SYT16: variants seen among roughly 807,000 people sequenced by gnomAD.
The protein encoded by SYT16 is synaptotagmin 16, also known as synaptotagmin-16.
In SYT16, 42 loss-of-function variants were observed where a neutral mutation model predicts 61.4. That is an observed-to-expected ratio of 0.68 (90% CI 0.53 to 0.89). SYT16 has a LOEUF of 0.89. SYT16 is among the 40% of genes least tolerant of loss of function. The probability of loss-of-function intolerance (pLI) is 0.00; values close to 1 mark genes in which losing one functional copy is unlikely to be tolerated. For missense variants in SYT16, 804 were observed against 807.3 expected (o/e 1.00, Z 0.05); for synonymous variants, 314 against 302.3 (o/e 1.04, Z -0.40).
At chr14:61,837,426 A>G (rs1034088567) in intron 1 of SYT16, among the ~76,000 whole-genome samples, 2 of 151,086 alleles carry the variant, frequency 1.3e-5, no homozygotes, top group Admixed American at 1.3e-4. Context: ...TTCAGTAGAG[A>G]CAGGGTTTTG....
chr14:62,051,463 GCTGCACCCACTGTC>G (rs557004656), intron 3 of SYT16, among the ~76,000 whole-genome samples: 41 of 152,260 alleles, frequency 2.7e-4, no homozygotes, highest in African/African-American at 8.4e-4. Context: ...TGTACGGTGC[GCTGCACCCACTGTC>G]CTGCACCCAC....
At chr14:61,824,484 CT>C (rs1414933121) in intron 1 of SYT16, among the ~76,000 whole-genome samples, 1 of 152,160 alleles carries the variant, frequency 6.6e-6, no homozygotes, top group Non-Finnish European at 1.5e-5. Context: ...TCCCGAGTAG[CT>C]GGGACTACAG....
At chr14:62,026,068 T>A (rs1289698109) in intron 3 of SYT16, among the ~76,000 whole-genome samples, 1 of 152,182 alleles carries the variant, frequency 6.6e-6, no homozygotes, top group Non-Finnish European at 1.5e-5. Flanking sequence ...TTCTTTTATA[T>A]GCCTTATAGT....
chr14:61,929,666 G>A (rs1162236916), intron 1 of SYT16, among the ~76,000 whole-genome samples: 2 of 152,168 alleles, frequency 1.3e-5, no homozygotes, highest in African/African-American at 4.8e-5. Context: ...GATGTCTCTG[G>A]AGAATGTGTT....
chr14:62,078,153 C>CTATATATATATA (rs1437217028), intron 5 of SYT16, among the ~76,000 whole-genome samples: 83 of 101,738 alleles, frequency 8.2e-4, no homozygotes, highest in African/African-American at 3.7e-3. Context: ...CTCTCTCTCT[C>CTATATATATATA]TCTATATATA....
Position 61,996,426 on chromosome 14 carries a change from T to G in SYT16, c.407T>G (p.Val136Gly), listed in dbSNP as rs367967436. The stretch of plus-strand genomic sequence containing the variant: ...AGTGATGACCGCAAGTTACCACATG[T>G]GCTTTCTTCTATTGCGGAGGAAGAG... ...WASDDRKLPHVLSSIAEEEHH... is the reference protein window; with the variant it reads ...WASDDRKLPHGLSSIAEEEHH... Residue 136 changes from valine to glycine, a missense_variant, in exon 3 of 8, where the codon GTG (valine) becomes GGG (glycine). By Grantham distance (109) the Val-to-Gly change is moderately radical. Transcript: ENST00000683842. The G allele has an allele frequency of 4.3e-6, 7 of 1,613,420 alleles. No individual in the cohort carries two copies. Among genetic ancestry groups the G allele is most frequent in the Non-Finnish European group, 5.1e-6 (6 of 1,179,592 alleles).
chr14:61,940,835 A>G (rs1329375684), intron 1 of SYT16, among the ~76,000 whole-genome samples: 1 of 152,072 alleles, frequency 6.6e-6, no homozygotes, highest in Non-Finnish European at 1.5e-5. Flanking sequence ...CTGTTCCTAG[A>G]TCAGACTGAG....
intron 1 of SYT16, among the ~76,000 whole-genome samples, chr14:61,830,090 A>G (rs2045893079): frequency 1.3e-5 from 2 of 152,092 alleles, no homozygotes; most frequent in African/African-American, 4.8e-5. Context: ...TATTCTTTAT[A>G]TCTTGAGTAT....
At chr14:62,092,025 G>C (rs185784454) in intron 7 of SYT16, among the ~76,000 whole-genome samples, 8 of 152,018 alleles carry the variant, frequency 5.3e-5, no homozygotes, top group Admixed American at 2.0e-4. Context: ...GTTTAAAACT[G>C]GATTAAAGAC....
chr14:61,854,488 T>C (rs2046716683), intron 1 of SYT16, among the ~76,000 whole-genome samples: 1 of 152,270 alleles, frequency 6.6e-6, no homozygotes, highest in African/African-American at 2.4e-5. Flanking sequence ...TCACTATTAC[T>C]ATAGTAAGAA....
chr14:61,990,738 A>G (rs1288228610), intron 2 of SYT16, among the ~76,000 whole-genome samples: 1 of 152,142 alleles, frequency 6.6e-6, no homozygotes, highest in African/African-American at 2.4e-5. Context: ...CAACCCCATC[A>G]GATAGAAAAT....
intron 1 of SYT16, chr14:61,864,886 C>A: frequency 1.6e-6 from 2 of 1,229,414 alleles, no homozygotes; most frequent in Non-Finnish European, 1.2e-6. Flanking sequence ...AGACAGTGAC[C>A]AACTGCGCGG....
At chr14:61,958,453 AT>A (rs1253210606) in intron 1 of SYT16, among the ~76,000 whole-genome samples, 1 of 151,270 alleles carries the variant, frequency 6.6e-6, no homozygotes. Context: ...GTCACATATG[AT>A]TTCGTATGTT....
At chr14:61,980,381 G>T (rs754801952) in intron 2 of SYT16, among the ~76,000 whole-genome samples, 4 of 152,102 alleles carry the variant, frequency 2.6e-5, no homozygotes, top group African/African-American at 7.2e-5. Context: ...TCAACATCAG[G>T]ACAAGCCTTG....
chr14:61,971,972 C>T (rs2051580305), intron 2 of SYT16, among the ~76,000 whole-genome samples: 1 of 152,190 alleles, frequency 6.6e-6, no homozygotes, highest in East Asian at 1.9e-4. Context: ...TAGGATTCAT[C>T]ATGATTCTAT....
chr14:62,027,445 ATGGGTATAAGCAAAG>A (rs1157359632), intron 3 of SYT16, among the ~76,000 whole-genome samples: 1 of 152,228 alleles, frequency 6.6e-6, no homozygotes, highest in African/African-American at 2.4e-5. Context: ...CATGGAAGGG[ATGGGTATAAGCAAAG>A]CTTTTACATC....
intron 1 of SYT16, among the ~76,000 whole-genome samples, chr14:61,864,692 C>T (rs1422424618): frequency 6.6e-6 from 1 of 152,270 alleles, no homozygotes; most frequent in Non-Finnish European, 1.5e-5. Context: ...CCTAGACCCG[C>T]TCCGCCGATA....
chr14:62,110,679 C>T lies in SYT16; in HGVS notation c.*9972C>T, dbSNP rs2057592408. The T allele has an allele frequency of 6.6e-6, 1 of 151,510 alleles. No individual in the cohort carries two copies. Among genetic ancestry groups the T allele is most frequent in the East Asian group, 1.9e-4 (1 of 5,190 alleles). The allele number at this position is 151,510 out of a possible 1,614,324, so 9.4% of individuals were successfully genotyped here. A position where few individuals can be genotyped will look rare whatever the true frequency, so the allele number is the denominator to read the frequency against. ...TATTAGGTTCTAATTTTTTTTTGTT[C>T]AAACACTGATCATGTAACAAACTGC... On this transcript the variant is annotated 3_prime_UTR_variant, in exon 8 of 8. Transcript: ENST00000683842.
chr14:61,976,823 T>C (rs893237710), intron 2 of SYT16, among the ~76,000 whole-genome samples: 3 of 152,202 alleles, frequency 2.0e-5, no homozygotes, highest in African/African-American at 7.2e-5. Context: ...TGGCTCCTTA[T>C]TACTTATACA....
Sources: gnomAD v4.1 joint callset for allele counts (sites outside exome capture counted in the v4.1 genomes callset) on GRCh38, gnomAD v4.1.1 for gene constraint, MANE v1.5 for transcripts, NCBI Gene and HGNC (gene_info 2026-07-23, HGNC 2026-07-21) for gene names.